Variants in PPP4R3B observed in about 807,000 individuals in gnomAD.
PPP4R3B encodes serine/threonine-protein phosphatase 4 regulatory subunit 3B.
PPP4R3B carries 52 observed loss-of-function variants against 95.4 expected under a neutral mutation model. The ratio of observed to expected loss-of-function variants is 0.54; its 90% confidence interval spans 0.44 to 0.69. PPP4R3B has a LOEUF of 0.69. Among genes scored for constraint, PPP4R3B ranks in the 30% least tolerant of loss-of-function variants. PPP4R3B has a pLI of 0.00. For synonymous variants in PPP4R3B, 407 were observed against 343.9 expected (o/e 1.18, Z -2.03); for missense variants, 1,003 against 1,005.9 (o/e 1.00, Z 0.04).
chr2:55,564,988 A>G lies in PPP4R3B; in HGVS notation c.1989T>C (p.Leu663=), dbSNP rs748895465. 2.5e-6 allele frequency: 4 copies of G among 1,610,408 alleles called. No individual in the cohort carries two copies. Among genetic ancestry groups the G allele is most frequent in the African/African-American group, 1.3e-5 (1 of 74,784 alleles). The change falls in exon 14 of 17, where the codon CTT becomes CTC. Residue 663 remains leucine, a synonymous_variant. Coordinates refer to ENST00000616407, the MANE Select transcript of PPP4R3B (RefSeq NM_001122964.3). ...ATGTCTGAACATATTCAATCGATTCAAGTGCTTTATAAAAGTTTTCAACTA... is the reference window on the plus strand; with the variant it reads ...ATGTCTGAACATATTCAATCGATTCGAGTGCTTTATAAAAGTTTTCAACTA... ...AHIVENFYKA[L]ESIEYVQTFK...
rs1359962045 is a variant in PPP4R3B, at chr2:55,550,791, A to AT, written c.2455-786dup. Among the ~76,000 whole-genome samples, 13 of 152,316 alleles carry AT rather than the reference A, an allele frequency of 8.5e-5. No individual in the cohort carries two copies. The East Asian group carries it at 1.4e-3, about 16-fold the overall frequency. Reference sequence around the variant, plus strand: ...ATACAACTGAAGTAACTCATACTTCATACCTGAAGTACTGAGGTATCGGGT... The same window carrying AT: ...ATACAACTGAAGTAACTCATACTTCATTACCTGAAGTACTGAGGTATCGGGT... On this transcript the variant is annotated intron_variant, in intron 16 of 16. Transcript: ENST00000616407.
intron 1 of PPP4R3B, among the ~76,000 whole-genome samples, chr2:55,615,933 AC>A (rs1694863247): frequency 7.8e-6 from 1 of 127,790 alleles, no homozygotes; most frequent in Non-Finnish European, 1.6e-5. Flanking sequence ...AAGTCTTTTT[AC>A]CGAGTTGGAC....
intron 16 of PPP4R3B, 59 bp downstream of exon 16, chr2:55,558,716 C>T (rs1574676416): frequency 7.7e-7 from 1 of 1,291,446 alleles, no homozygotes; most frequent in Non-Finnish European, 1.0e-6. Context: ...TTTCAGTAAA[C>T]ATGAAAAAAT....
chr2:55,598,112 C>T (rs759163302), intron 4 of PPP4R3B, among the ~76,000 whole-genome samples: 10 of 151,906 alleles, frequency 6.6e-5, no homozygotes, highest in Non-Finnish European at 1.0e-4. Context: ...CTCAGCTAAT[C>T]GGGAGGCTGA....
chr2:55,597,828 C>CA (rs948460206), intron 4 of PPP4R3B, among the ~76,000 whole-genome samples: 4 of 152,116 alleles, frequency 2.6e-5, no homozygotes, highest in African/African-American at 9.7e-5. Context: ...AATAAATAGT[C>CA]AAAACGGTGA....
At chr2:55,583,341 A>G (rs1689675393) in intron 7 of PPP4R3B, among the ~76,000 whole-genome samples, 3 of 152,172 alleles carry the variant, frequency 2.0e-5, no homozygotes. Flanking sequence ...AAATTCAGGA[A>G]AATGAAACCC....
At chr2:55,600,380 C>G (rs1692379165) in intron 3 of PPP4R3B, among the ~76,000 whole-genome samples, 1 of 125,860 alleles carries the variant, frequency 7.9e-6, no homozygotes, top group Non-Finnish European at 1.6e-5. Context: ...GAGCCGAGAT[C>G]ACACCACTGC....
intron 9 of PPP4R3B, among the ~76,000 whole-genome samples, chr2:55,579,442 AAC>A (rs1689140509): frequency 6.6e-6 from 1 of 152,056 alleles, no homozygotes; most frequent in Non-Finnish European, 1.5e-5. Context: ...CGTTCAGAGA[AAC>A]TTCCGTAGCA....
At chr2:55,617,039 C>T (rs897525108) in intron 1 of PPP4R3B, 105 bp downstream of exon 1, 1 of 1,345,080 alleles carries the variant, frequency 7.4e-7, no homozygotes, top group Non-Finnish European at 1.0e-6. Context: ...AGAACCAACG[C>T]GCTGTCCCGA....
Position 55,597,623 on chromosome 2 carries a change from A to ACAAACAAAC in PPP4R3B, c.921+792_921+793insGTTTGTTTG, listed in dbSNP as rs1553478238. Among the ~76,000 whole-genome samples, 46 of 149,004 alleles carry ACAAACAAAC rather than the reference A, an allele frequency of 3.1e-4. 1 individual carries two copies. Among genetic ancestry groups the ACAAACAAAC allele is most frequent in the Middle Eastern group, 6.8e-3 (2 of 294 alleles). ...GGCGACCGAGCAAGACTCCGTCTCA[A>ACAAACAAAC]AAACAAACAAACAAACAAACAAACA... On this transcript the variant is annotated intron_variant, in intron 4 of 16. Transcript: ENST00000616407.
At chr2:55,574,385 A>T (rs1209669380) in intron 11 of PPP4R3B, among the ~76,000 whole-genome samples, 2 of 151,862 alleles carry the variant, frequency 1.3e-5, no homozygotes, top group Non-Finnish European at 1.5e-5. Flanking sequence ...GGCACTGAGG[A>T]GTTCTTGGTA....
Position 55,562,371 on chromosome 2 carries a change from G to A in PPP4R3B, c.2260+1942C>T, listed in dbSNP as rs367801304. On this transcript the variant is annotated intron_variant, in intron 15 of 16. Coordinates refer to ENST00000616407, the MANE Select transcript of PPP4R3B (RefSeq NM_001122964.3). ...CAGGAGGCAGAGGTTGCAGTGAGCC[G>A]AGATCACGCCACTGCACTCCAGCCT... Among the ~76,000 whole-genome samples the A allele has an allele frequency of 3.2e-4, 49 of 152,198 alleles. 1 individual carries two copies. Among genetic ancestry groups the A allele is most frequent in the African/African-American group, 1.1e-3 (44 of 41,520 alleles).
intron 15 of PPP4R3B, among the ~76,000 whole-genome samples, chr2:55,563,813 A>G (rs1686937088): frequency 6.6e-6 from 1 of 152,242 alleles, no homozygotes; most frequent in Non-Finnish European, 1.5e-5. Context: ...TTTATAAAAC[A>G]AGTTAAGCAC....
Position 55,568,299 on chromosome 2 carries a change from G to A in PPP4R3B, c.1830C>T (p.Thr610=), listed in dbSNP as rs752273687. The A allele has an allele frequency of 3.1e-6, 5 of 1,610,172 alleles. No homozygotes were observed. The African/African-American group carries it at 6.7e-5, about 22-fold the overall frequency. The change falls in exon 13 of 17, where the codon ACC becomes ACT. Residue 610 remains threonine, a synonymous_variant. Coordinates refer to ENST00000616407, the MANE Select transcript of PPP4R3B (RefSeq NM_001122964.3). ...LKDEFYNRYI[T]KGNLFEPVIN... ...TAACTGGCTCAAAAAGATTTCCCTT[G>A]GTGATGTAACGATTATAAAATTCAT... is the stretch of plus-strand genomic sequence containing the variant.
rs12612969 is a variant in PPP4R3B at position 55,563,295 on chromosome 2, T to C, written c.2260+1018A>G. Among the ~76,000 whole-genome samples, 6 of 152,254 alleles carry C rather than the reference T, an allele frequency of 3.9e-5. No individual in the cohort carries two copies. In the East Asian group the frequency reaches 1.2e-3, roughly 29 times the overall value. ...ATAAATGAAATTAATTTTCTGAGAA[T>C]TGTCTTTAGAAAATGTCACATTCAA... On this transcript the variant is annotated intron_variant, in intron 15 of 16. Transcript: ENST00000616407.
At chr2:55,576,570 G>A (rs1408528814) in intron 11 of PPP4R3B, among the ~76,000 whole-genome samples, 9 of 151,688 alleles carry the variant, frequency 5.9e-5, no homozygotes, top group African/African-American at 1.9e-4. Context: ...GTGAAACTCC[G>A]CCTCTACTAA....
chr2:55,581,460 A>G, intron 8 of PPP4R3B, 107 bp downstream of exon 8: 1 of 1,212,668 alleles, frequency 8.2e-7, no homozygotes, highest in Non-Finnish European at 1.1e-6. Context: ...CTGCTACTTA[A>G]ATACCAACTG....
chr2:55,591,912 T>C (rs1045910892), intron 4 of PPP4R3B, among the ~76,000 whole-genome samples: 2 of 152,212 alleles, frequency 1.3e-5, no homozygotes, highest in African/African-American at 4.8e-5. Flanking sequence ...AATCTCTGGT[T>C]CTCCAAGTAA....
chr2:55,575,305 A>AT (rs142543923), intron 11 of PPP4R3B, among the ~76,000 whole-genome samples: 20,971 of 151,894 alleles, frequency 0.14, 2,958 homozygotes, highest in African/African-American at 0.36. Context: ...ATAAACTTGC[A>AT]TTTTTTCTTT....
Sources: allele counts gnomAD v4.1 joint callset (sites outside exome capture counted in the v4.1 genomes callset), GRCh38; gene constraint gnomAD v4.1.1; transcripts MANE v1.5; gene names NCBI Gene and HGNC (gene_info 2026-07-23, HGNC 2026-07-21).